The following POFUT3 variants were observed in gnomAD, a reference collection of about 807,000 sequenced individuals.
The protein encoded by POFUT3 is GDP-fucose protein O-fucosyltransferase 3.
chr8:33,389,058 A>G, the POFUT3 span: 9 of 1,613,970 alleles, frequency 5.6e-6, no homozygotes, highest in South Asian at 9.9e-5. Context: ...TGCACTCCCC[A>G]TTTCCGTTCC....
chr8:33,393,248 G>T, the POFUT3 span, among the ~76,000 whole-genome samples: 1 of 152,172 alleles, frequency 6.6e-6, no homozygotes, highest in Non-Finnish European at 1.5e-5. Flanking sequence ...ATGTGCAATT[G>T]GCTCACTAGT....
the POFUT3 span, among the ~76,000 whole-genome samples, chr8:33,422,376 C>G: frequency 6.6e-6 from 1 of 151,674 alleles, no homozygotes; most frequent in South Asian, 2.1e-4. Flanking sequence ...AACTCCGTCT[C>G]TACTAAAAAT....
chr8:33,363,437 G>C, the POFUT3 span, among the ~76,000 whole-genome samples: 6 of 152,166 alleles, frequency 3.9e-5, no homozygotes, highest in Admixed American at 6.5e-5. Context: ...AACTGAAGAA[G>C]ATAGAGACAC....
At chr8:33,334,210 A>G in the POFUT3 span, among the ~76,000 whole-genome samples, 2 of 151,936 alleles carry the variant, frequency 1.3e-5, no homozygotes, top group Non-Finnish European at 2.9e-5. Context: ...TGACCCTATT[A>G]AGTTGAAAAT....
the POFUT3 span, among the ~76,000 whole-genome samples, chr8:33,351,351 G>C: frequency 5.9e-5 from 9 of 152,214 alleles, no homozygotes; most frequent in Non-Finnish European, 8.8e-5. Flanking sequence ...TTGGTCCCCA[G>C]TGTTGGAGGT....
At chr8:33,340,654 A>G in the POFUT3 span, among the ~76,000 whole-genome samples, 4 of 152,164 alleles carry the variant, frequency 2.6e-5, no homozygotes, top group Non-Finnish European at 5.9e-5. Context: ...GATATGAGAT[A>G]AAGTAGACTT....
the POFUT3 span, among the ~76,000 whole-genome samples, chr8:33,329,756 T>A: frequency 6.6e-6 from 1 of 152,234 alleles, no homozygotes; most frequent in African/African-American, 2.4e-5. Context: ...TAGGCTGCCA[T>A]CAGTATAACT....
the POFUT3 span, among the ~76,000 whole-genome samples, chr8:33,412,121 C>A: frequency 1.3e-5 from 2 of 152,172 alleles, no homozygotes; most frequent in Admixed American, 1.3e-4. Flanking sequence ...ACGGAACACA[C>A]ATTTTCATCT....
At chr8:33,318,216 G>C in the POFUT3 span, among the ~76,000 whole-genome samples, 1 of 151,696 alleles carries the variant, frequency 6.6e-6, no homozygotes, top group Non-Finnish European at 1.5e-5. Flanking sequence ...CTGCTGTTTT[G>C]TATTTTCGTC....
At chr8:33,389,932 C>T in the POFUT3 span, 5 of 651,706 alleles carry the variant, frequency 7.7e-6, no homozygotes, top group East Asian at 2.8e-5. Context: ...CGGTGGCTCA[C>T]GCCTGTAATC....
the POFUT3 span, among the ~76,000 whole-genome samples, chr8:33,358,778 A>G: frequency 1.3e-5 from 2 of 152,060 alleles, no homozygotes. Context: ...TGAAGCAGGA[A>G]GATTGCCTGA....
the POFUT3 span, among the ~76,000 whole-genome samples, chr8:33,433,187 T>TAG: frequency 6.6e-6 from 1 of 151,028 alleles, no homozygotes. Flanking sequence ...TGAGCCAAGA[T>TAG]CACAACACTG....
the POFUT3 span, among the ~76,000 whole-genome samples, chr8:33,350,822 T>A: frequency 2.0e-5 from 3 of 152,090 alleles, no homozygotes; most frequent in African/African-American, 7.2e-5. Context: ...GAGTATTGAC[T>A]GCAAAGAGAA....
At chr8:33,318,829 T>C in the POFUT3 span, among the ~76,000 whole-genome samples, 4 of 54,502 alleles carry the variant, frequency 7.3e-5, no homozygotes, top group Non-Finnish European at 1.1e-4. Flanking sequence ...ATATATATTT[T>C]ATATATATTT....
chr8:33,401,899 AC>A, the POFUT3 span, among the ~76,000 whole-genome samples: 1 of 152,094 alleles, frequency 6.6e-6, no homozygotes, highest in Non-Finnish European at 1.5e-5. Flanking sequence ...GTGGTGGCAC[AC>A]GTCTGTAGTC....
chr8:33,337,134 T>G, the POFUT3 span, among the ~76,000 whole-genome samples: 1 of 152,092 alleles, frequency 6.6e-6, no homozygotes, highest in Non-Finnish European at 1.5e-5. Flanking sequence ...TTGATGTGAG[T>G]GCTGAGTCTT....
chr8:33,404,353 G>GA, the POFUT3 span, among the ~76,000 whole-genome samples: 2 of 145,658 alleles, frequency 1.4e-5, no homozygotes, highest in African/African-American at 5.2e-5. Context: ...AAAAAAAAAA[G>GA]AAAAAGAAAA....
chr8:33,323,689 G>A, the POFUT3 span, among the ~76,000 whole-genome samples: 1 of 152,132 alleles, frequency 6.6e-6, no homozygotes, highest in African/African-American at 2.4e-5. Context: ...GGGATACGGG[G>A]CTATCAGTTC....
At chr8:33,321,044 A>G in the POFUT3 span, among the ~76,000 whole-genome samples, 1 of 152,102 alleles carries the variant, frequency 6.6e-6, no homozygotes, top group African/African-American at 2.4e-5. Flanking sequence ...ATGATTCATA[A>G]GACCTCCACC....
Sources: gnomAD v4.1 joint callset for allele counts (sites outside exome capture counted in the v4.1 genomes callset) on GRCh38, gnomAD v4.1.1 for gene constraint, MANE v1.5 for transcripts, NCBI Gene and HGNC (gene_info 2026-07-23, HGNC 2026-07-21) for gene names.